The following ZNF69 variants were observed in gnomAD, a reference collection of about 807,000 sequenced individuals.
The protein encoded by ZNF69 is ZNF3.
ZNF69 carries 47 observed loss-of-function variants against 50.9 expected under a neutral mutation model. The observed-to-expected ratio is 0.92, with a 90% CI of 0.73 to 1.18. The LOEUF (loss-of-function observed/expected upper bound fraction) is 1.18, where lower values mean the gene tolerates loss of function less well. Among genes scored for constraint, ZNF69 ranks in the 50% most tolerant of loss-of-function variants. The probability of loss-of-function intolerance (pLI) is 0.00; values close to 1 mark genes in which losing one functional copy is unlikely to be tolerated. For synonymous variants in ZNF69, 216 were observed against 223.1 expected, an observed-to-expected ratio of 0.97 and a Z score of 0.29; for missense variants, 717 against 675.1, an observed-to-expected ratio of 1.06 and a Z score of -0.69.
At chr19:11,900,841 G>A (rs747845222) in intron 1 of ZNF69, among the ~76,000 whole-genome samples, 2 of 152,024 alleles carry the variant, frequency 1.3e-5, no homozygotes, top group Non-Finnish European at 2.9e-5. Flanking sequence ...CCAATTTATC[G>A]ATTTTCTCAT....
Position 11,905,814 on chromosome 19 carries a change from T to G in ZNF69, c.1417T>G (p.Ser473Ala). Residue 473 changes from serine to alanine, a missense_variant, in exon 4 of 4, where the codon TCT becomes GCT. Ser to Ala is a moderately conservative substitution (Grantham distance 99, BLOSUM62 1). Transcript: ENST00000429654. ...ERTQTHVRIH[S>A]GERPYKCKLC... The stretch of plus-strand genomic sequence containing the variant: ...GACACAAACACACGTAAGAATACAC[T>G]CTGGAGAAAGACCTTATAAATGTAA... 1 of 1,613,322 alleles carries G rather than the reference T, an allele frequency of 6.2e-7. No homozygotes were observed. The highest frequency in any genetic ancestry group is 8.5e-7 in the Non-Finnish European group (1 of 1,179,926).
intron 1 of ZNF69, among the ~76,000 whole-genome samples, chr19:11,892,135 ATTTTT>A (rs4071659): frequency 0.25 from 28,648 of 113,652 alleles, 2,782 homozygotes; most frequent in African/African-American, 0.29. Context: ...CTCCTGGCTG[ATTTTT>A]TTTTTTTTTT....
downstream of ZNF69, among the ~76,000 whole-genome samples, chr19:11,918,199 C>G (rs1599270322): frequency 6.6e-6 from 1 of 152,108 alleles, no homozygotes; most frequent in South Asian, 2.1e-4. Context: ...TGGGTAAATT[C>G]AAATTTACTA....
downstream of ZNF69, among the ~76,000 whole-genome samples, chr19:11,906,859 C>T (rs561639105): frequency 7.9e-5 from 12 of 152,268 alleles, no homozygotes; most frequent in East Asian, 7.7e-4. Context: ...TTCAGATGAT[C>T]GGTAATAACA....
At chr19:11,932,638 T>A in the ZNF69 span, among the ~76,000 whole-genome samples, 1 of 115,868 alleles carries the variant, frequency 8.6e-6, no homozygotes, top group South Asian at 2.4e-4. Flanking sequence ...ATATGTGATT[T>A]TTTTTTTTTT....
chr19:11,966,874 AAC>A, the ZNF69 span, among the ~76,000 whole-genome samples: 1 of 152,144 alleles, frequency 6.6e-6, no homozygotes, highest in East Asian at 1.9e-4. Flanking sequence ...AAACAGGAAA[AAC>A]ACAGACTCTA....
the ZNF69 span, among the ~76,000 whole-genome samples, chr19:11,965,575 G>GC: frequency 6.6e-6 from 1 of 151,966 alleles, no homozygotes; most frequent in Non-Finnish European, 1.5e-5. Context: ...GGTCTGTGGG[G>GC]CCCCCAGTTC....
At chr19:11,890,761 GAAGA>G (rs1977066088) in intron 1 of ZNF69, among the ~76,000 whole-genome samples, 1 of 152,136 alleles carries the variant, frequency 6.6e-6, no homozygotes, top group South Asian at 2.1e-4. Flanking sequence ...CGCCAGGCCA[GAAGA>G]TAGATTTTTA....
chr19:11,945,961 G>A, the ZNF69 span, among the ~76,000 whole-genome samples: 4 of 152,128 alleles, frequency 2.6e-5, no homozygotes, highest in Non-Finnish European at 5.9e-5. Context: ...TATATCAATA[G>A]TCTTTTTGGA....
chr19:11,917,224 T>A (rs547083692), downstream of ZNF69, among the ~76,000 whole-genome samples: 1 of 152,150 alleles, frequency 6.6e-6, no homozygotes. Flanking sequence ...GGAGAATTGA[T>A]TGGTGTTCAG....
At chr19:11,974,069 T>TTTTTTC in the ZNF69 span, among the ~76,000 whole-genome samples, 2 of 114,854 alleles carry the variant, frequency 1.7e-5, no homozygotes, top group Admixed American at 1.9e-4. Flanking sequence ...TCCTTCTTTC[T>TTTTTTC]TTTCTTTCTT....
the ZNF69 span, chr19:11,947,529 A>G: frequency 5.6e-6 from 9 of 1,613,274 alleles, no homozygotes; most frequent in Admixed American, 8.4e-5. Context: ...AAATGGAGTG[A>G]CCAGAACATT....
At chr19:11,971,398 G>A in the ZNF69 span, among the ~76,000 whole-genome samples, 3 of 152,174 alleles carry the variant, frequency 2.0e-5, no homozygotes, top group East Asian at 3.9e-4. Context: ...ATACTATAGT[G>A]GGGGGTAGGT....
At chr19:11,925,516 C>T in the ZNF69 span, among the ~76,000 whole-genome samples, 1 of 151,678 alleles carries the variant, frequency 6.6e-6, no homozygotes, top group Non-Finnish European at 1.5e-5. Flanking sequence ...CCCCGGAGCC[C>T]TCTCTGGGCA....
At position 11,906,165 on chromosome 19, in the gene ZNF69, T is replaced by C; in HGVS notation, c.*67T>C. On this transcript the variant is annotated 3_prime_UTR_variant, in exon 4 of 4. Transcript: ENST00000429654. ...TAGGACACACAATCAAGAGAAACCA[T>C]GAATGTAAAGAATGTGGGAAACCCT... 1 of 1,571,540 alleles carries C rather than the reference T, an allele frequency of 6.4e-7. No individual in the cohort carries two copies. The highest frequency in any genetic ancestry group is 8.6e-7 in the Non-Finnish European group (1 of 1,165,500).
the ZNF69 span, among the ~76,000 whole-genome samples, chr19:11,944,928 G>T: frequency 6.6e-6 from 1 of 152,184 alleles, no homozygotes; most frequent in Non-Finnish European, 1.5e-5. Flanking sequence ...AGCAGCTGTG[G>T]CACAGCTACT....
chr19:11,905,577 G>T lies in ZNF69; in HGVS notation c.1180G>T (p.Gly394Cys), dbSNP rs1216453047. 5 of 1,613,892 alleles carry T rather than the reference G, an allele frequency of 3.1e-6. No homozygotes were observed. The highest frequency in any genetic ancestry group is 4.2e-6 in the Non-Finnish European group (5 of 1,179,968). The change falls in exon 4 of 4, where the codon GGT becomes TGT. Residue 394 changes from glycine (G) to cysteine (C), a missense_variant. By Grantham distance (159) the Gly-to-Cys change is radical. Transcript: ENST00000429654. ...GAAACCCTATAAATGCAAGCAATGTGGTAAAGCCTTCATTCATTCCAGTTC... is the reference window on the plus strand; with the variant it reads ...GAAACCCTATAAATGCAAGCAATGTTGTAAAGCCTTCATTCATTCCAGTTC... ...GEKPYKCKQCGKAFIHSSSLR... is the reference protein window; with the variant it reads ...GEKPYKCKQCCKAFIHSSSLR...
chr19:11,893,274 G>A (rs558369428), intron 1 of ZNF69, among the ~76,000 whole-genome samples: 54 of 152,268 alleles, frequency 3.5e-4, no homozygotes, highest in African/African-American at 1.2e-3. Context: ...TCTTTAAGTA[G>A]GACCTTCGGA....
rs546640965 is a variant in ZNF69 at position 11,895,966 on chromosome 19, T to G, written c.64-7607T>G. On this transcript the variant is annotated intron_variant, in intron 1 of 3. Coordinates refer to ENST00000429654, the MANE Select transcript of ZNF69 (RefSeq NM_001364730.1). ...TGGGCATGGTGGCTGACGCCTGTAATCCCAGCACTTTGGGAGGCTGAGGCG... is the reference window on the plus strand; with the variant it reads ...TGGGCATGGTGGCTGACGCCTGTAAGCCCAGCACTTTGGGAGGCTGAGGCG... Among the ~76,000 whole-genome samples, 14 of 152,260 alleles carry G rather than the reference T, an allele frequency of 9.2e-5. No homozygotes were observed. In the South Asian group the frequency reaches 2.7e-3, roughly 29 times the overall value.
Sources: gnomAD v4.1 joint callset for allele counts (sites outside exome capture counted in the v4.1 genomes callset) on GRCh38, gnomAD v4.1.1 for gene constraint, MANE v1.5 for transcripts, NCBI Gene and HGNC (gene_info 2026-07-23, HGNC 2026-07-21) for gene names.